The following CA11 variants were observed in gnomAD, a reference collection of about 807,000 sequenced individuals.
CA11 encodes carbonic anhydrase 11 (inactive), also known as carbonic anhydrase-related protein 11.
Under a neutral mutation model 39.3 loss-of-function variants are expected in CA11, and 20 were observed. The ratio of observed to expected loss-of-function variants is 0.51; its 90% CI spans 0.36 to 0.74. The LOEUF is 0.74. CA11 is among the 30% of genes least tolerant of loss of function. The probability of loss-of-function intolerance (pLI) is 0.00; values close to 1 mark genes in which losing one functional copy is unlikely to be tolerated. For missense variants in CA11, 336 were observed against 424.6 expected (o/e 0.79, Z 1.83); for synonymous variants, 166 against 172.5 (o/e 0.96, Z 0.29).
chr19:48,643,322 GC>G lies in CA11; in HGVS notation c.285+1104del. Among the ~76,000 whole-genome samples the G allele has an allele frequency of 6.6e-6, 1 of 152,160 alleles. No individual in the cohort carries two copies. The highest frequency in any genetic ancestry group is 1.5e-5 in the Non-Finnish European group (1 of 68,044). On this transcript the variant is annotated intron_variant, in intron 3 of 8. Transcript: ENST00000084798. This position sits in a 1 kb window ranked among gnomAD's most constrained non-coding sequence, Gnocchi z 4.3. ...CCTCCCGGGTTCAAGCAATTCTCCT[GC>G]CTCAGCCTCTCAAGTAGCTGGGATT...
At chr19:48,639,160 G>GAACAGA in intron 7 of CA11, 107 bp from the exon 8 acceptor site, 1 of 1,526,016 alleles carries the variant, frequency 6.6e-7, no homozygotes, top group Non-Finnish European at 8.9e-7. Context: ...TCTGTTCTCA[G>GAACAGA]CCCCACCCAC....
chr19:48,639,775 C>CGCCT lies in CA11; in HGVS notation c.567+9_567+12dup. ...CCAACTGCTCCCTCCCTCTGAATCT[C>CGCCT]GCCTCCGCTCACGTTGACAAAGAGG... is the stretch of plus-strand genomic sequence containing the variant. On this transcript the variant is annotated intron_variant, in intron 5 of 8. Transcript: ENST00000084798. The CGCCT allele has an allele frequency of 6.2e-7, 1 of 1,612,904 alleles. No homozygotes were observed. The highest frequency in any genetic ancestry group is 8.5e-7 in the Non-Finnish European group (1 of 1,179,016).
chr19:48,638,964 G>A lies in CA11; in HGVS notation c.885C>T (p.Ala295=). The change falls in exon 8 of 9, where the codon GCC becomes GCT. Residue 295 remains alanine (A), a synonymous_variant. Coordinates refer to ENST00000084798, the MANE Select transcript of CA11 (RefSeq NM_001217.5). ...CCCTGTTGCCCCTCAGTGCCCTGTGGGCCAAGGGCTGCAGGGGCCGGCTGT... is the reference window on the plus strand; with the variant it reads ...CCCTGTTGCCCCTCAGTGCCCTGTGAGCCAAGGGCTGCAGGGGCCGGCTGT... The part of the protein sequence containing the change: ...SGNSRPLQPL[A]HRALRGNRDP... The A allele has an allele frequency of 6.2e-7, 1 of 1,613,500 alleles. No homozygotes were observed. Among genetic ancestry groups the A allele is most frequent in the Non-Finnish European group, 8.5e-7 (1 of 1,179,834 alleles).
intron 3 of CA11, among the ~76,000 whole-genome samples, chr19:48,641,835 T>TTC (rs1555745782): frequency 6.0e-4 from 89 of 149,236 alleles, no homozygotes; most frequent in Middle Eastern, 3.4e-3. Context: ...TTTTTTTTTT[T>TTC]TTTTTTTTTT....
At chr19:48,641,268 C>A (rs1415747210) in intron 3 of CA11, among the ~76,000 whole-genome samples, 1 of 152,210 alleles carries the variant, frequency 6.6e-6, no homozygotes, top group Non-Finnish European at 1.5e-5. Context: ...GCGTGAGCCA[C>A]CGTGCCTGGC....
In CA11 at chr19:48,639,951, G is replaced by T. The variant is rs375112533; in HGVS notation, c.472-68C>A. 64 of 1,534,558 alleles carry T rather than the reference G, an allele frequency of 4.2e-5. 1 individual carries two copies. Among genetic ancestry groups the T allele is most frequent in the Non-Finnish European group, 4.9e-5 (54 of 1,111,564 alleles). On this transcript the variant is annotated intron_variant, in intron 4 of 8. Coordinates refer to ENST00000084798, the MANE Select transcript of CA11 (RefSeq NM_001217.5). ...GGAGAGCATGACCCCAGCTTTGGGG[G>T]CCCGAATCAGGCTGAGGATTAGTGC...
intron 8 of CA11, 74 bp from the exon 9 acceptor site, chr19:48,638,218 G>A (rs2030908147): frequency 1.7e-6 from 2 of 1,206,762 alleles, no homozygotes; most frequent in East Asian, 3.3e-5. Flanking sequence ...GGGGGCGTGG[G>A]CTGCGCCGCG....
chr19:48,645,010 CT>C (rs1002326164), intron 2 of CA11, among the ~76,000 whole-genome samples: 41 of 151,998 alleles, frequency 2.7e-4, no homozygotes, highest in Admixed American at 2.4e-3. Flanking sequence ...AGTTGTAGTT[CT>C]TTTTTTTAAT....
At chr19:48,640,013 G>T (rs1054993619) in intron 4 of CA11, 82 bp downstream of exon 4, 17 of 1,521,300 alleles carry the variant, frequency 1.1e-5, no homozygotes, top group African/African-American at 6.8e-5. Flanking sequence ...GGAGGATGGG[G>T]TGAGACACTA....
rs1048553784 is a variant in CA11, at chr19:48,643,648, G to C, written c.285+779C>G. Among the ~76,000 whole-genome samples, 1 of 148,956 alleles carries C rather than the reference G, an allele frequency of 6.7e-6. No individual in the cohort carries two copies. Among genetic ancestry groups the C allele is most frequent in the Non-Finnish European group, 1.5e-5 (1 of 67,090 alleles). ...CCAATTCCAAAAAAAAAAAAAAAAAGTATGGTTCCCAGCATGGTACTATAA... is the reference window on the plus strand; with the variant it reads ...CCAATTCCAAAAAAAAAAAAAAAAACTATGGTTCCCAGCATGGTACTATAA... On this transcript the variant is annotated intron_variant, in intron 3 of 8. Transcript: ENST00000084798. This position sits in a 1 kb window ranked among gnomAD's most constrained non-coding sequence, Gnocchi z 4.3.
Position 48,640,173 on chromosome 19 carries a change from ACT to A in CA11, c.391_392del (p.Ser131Ter). 2 of 1,614,008 alleles carry A rather than the reference ACT, an allele frequency of 1.2e-6. No homozygotes were observed. The highest frequency in any genetic ancestry group is 1.7e-6 in the Non-Finnish European group (2 of 1,180,004). On this transcript the variant is annotated frameshift_variant, in exon 4 of 9. Coordinates refer to ENST00000084798, the MANE Select transcript of CA11 (RefSeq NM_001217.5). LOFTEE classifies it high-confidence loss of function. ...GAGCTCCAAACAGCAGCCGCAGTTCACTGAGTCGGTGGCTGTAAAGGAGGGGA... is the reference window on the plus strand; with the variant it reads ...GAGCTCCAAACAGCAGCCGCAGTTCAGAGTCGGTGGCTGTAAAGGAGGGGA... ...GGPLLYSHRLSELRLLFGARD... is the reference protein window; with the variant it reads ...GGPLLYSHRLXELRLLFGARD...
Position 48,639,578 on chromosome 19 carries a change from C to G in CA11, c.611G>C (p.Arg204Pro). 1.2e-6 allele frequency: 2 copies of G among 1,613,928 alleles called. No individual in the cohort carries two copies. Among genetic ancestry groups the G allele is most frequent in the Non-Finnish European group, 8.5e-7 (1 of 1,179,952 alleles). ...GTAGGAGATGCGAGTGATGGTGTCGCGGTTAAGGAGGCGACTGAGGAATGG... is the reference window on the plus strand; with the variant it reads ...GTAGGAGATGCGAGTGATGGTGTCGGGGTTAAGGAGGCGACTGAGGAATGG... ...SNPFLSRLLN[R>P]DTITRISYKN... Residue 204 changes from arginine (R) to proline (P), a missense_variant, in exon 6 of 9, where the codon CGC becomes CCC. Transcript: ENST00000084798.
intron 8 of CA11, chr19:48,638,481 T>C (rs373425484): frequency 3.7e-5 from 17 of 459,596 alleles, no homozygotes; most frequent in African/African-American, 3.2e-4. Flanking sequence ...TTGTACCTTG[T>C]AGATTCTCAG....
intron 8 of CA11, chr19:48,638,455 A>T: frequency 1.1e-6 from 1 of 887,642 alleles, no homozygotes; most frequent in Non-Finnish European, 1.4e-6. Flanking sequence ...AGGGAGGCAG[A>T]GGTGGAGGGA....
In CA11 at chr19:48,638,063, C is replaced by T. The variant is rs1280028873; in HGVS notation, c.*56G>A. On this transcript the variant is annotated 3_prime_UTR_variant, in exon 9 of 9. Coordinates refer to ENST00000084798, the MANE Select transcript of CA11 (RefSeq NM_001217.5). ...TAATAGCTTTGTTTTAGGGGTAACT[C>T]CCCTCGCCTTGTGGGGAGGCTTAGG... is the stretch of plus-strand genomic sequence containing the variant. The T allele has an allele frequency of 1.5e-6, 2 of 1,354,186 alleles. No individual in the cohort carries two copies. The highest frequency in any genetic ancestry group is 1.5e-5 in the African/African-American group (1 of 65,598). The allele number at this position is 1,354,186 out of a possible 1,614,324, so 83.9% of individuals were successfully genotyped here. A position where few individuals can be genotyped will look rare whatever the true frequency, so the allele number is the denominator to read the frequency against.
chr19:48,642,617 G>A (rs1199123714), intron 3 of CA11, among the ~76,000 whole-genome samples: 1 of 148,352 alleles, frequency 6.7e-6, no homozygotes, highest in Non-Finnish European at 1.5e-5. Context: ...CTAATAGGAG[G>A]ATTTTGAGCA....
At chr19:48,644,022 G>C (rs2031168471) in intron 3 of CA11, among the ~76,000 whole-genome samples, 1 of 151,776 alleles carries the variant, frequency 6.6e-6, no homozygotes, top group Admixed American at 6.6e-5. Flanking sequence ...GCTTGAACCT[G>C]GGAGGTGGAG....
At chr19:48,645,311 G>A (rs1012532111) in intron 2 of CA11, 92 bp downstream of exon 2, 2 of 1,132,504 alleles carry the variant, frequency 1.8e-6, no homozygotes, top group East Asian at 2.6e-5. Context: ...CCTGGTCCTG[G>A]GGGGGAGGAG....
chr19:48,642,121 AC>A (rs1483934934), intron 3 of CA11, among the ~76,000 whole-genome samples: 1 of 152,192 alleles, frequency 6.6e-6, no homozygotes, highest in Non-Finnish European at 1.5e-5. Flanking sequence ...AGTCCAGTGA[AC>A]AGAGGAGAGA....
Sources: gnomAD v4.1 joint callset for allele counts (sites outside exome capture counted in the v4.1 genomes callset) on GRCh38, gnomAD v4.1.1 for gene constraint, Gnocchi (gnomAD v3.1) non-coding constraint, MANE v1.5 for transcripts, NCBI Gene and HGNC (gene_info 2026-07-23, HGNC 2026-07-21) for gene names.